Variants in EVC2 observed in about 807,000 individuals in gnomAD.
EVC2 encodes EvC ciliary complex subunit 2.
In EVC2, 148 loss-of-function variants were observed where a neutral mutation model predicts 149.3. That is an observed-to-expected ratio of 0.99 (90% confidence interval 0.87 to 1.14). The LOEUF (loss-of-function observed/expected upper bound fraction) is 1.14. Ranked by LOEUF, EVC2 falls within the 50% of genes most tolerant of loss-of-function variation. The pLI, the probability that EVC2 is intolerant of heterozygous loss-of-function variation, is 0.00. For synonymous variants in EVC2, 776 were observed against 649.9 expected, an observed-to-expected ratio of 1.19 and a Z score of -2.95; for missense variants, 1,854 against 1,627.3, an observed-to-expected ratio of 1.14 and a Z score of -2.40.
At chr4:5,644,777 C>G (rs4688944) in intron 9 of EVC2, among the ~76,000 whole-genome samples, 104,352 of 152,100 alleles carry the variant, frequency 0.69, 36,429 homozygotes, top group African/African-American at 0.82. Context: ...GAGAACATGT[C>G]ATATTTGTCT....
Position 5,657,477 on chromosome 4 carries a change from C to G in EVC2, c.1145+5630G>C, listed in dbSNP as rs965145847. Reference sequence around the variant, plus strand: ...GGAAGCTGGGTAGCCTGAAGAGCCACATCACATCTGGAAACATGTTGTGTT... The same window carrying G: ...GGAAGCTGGGTAGCCTGAAGAGCCAGATCACATCTGGAAACATGTTGTGTT... On this transcript the variant is annotated intron_variant, in intron 9 of 21. Coordinates refer to ENST00000344408, the MANE Select transcript of EVC2 (RefSeq NM_147127.5). This position sits in a 1 kb window ranked among gnomAD's most constrained non-coding sequence, Gnocchi z 4.7. Among the ~76,000 whole-genome samples the G allele has an allele frequency of 2.0e-5, 3 of 152,072 alleles. No individual in the cohort carries two copies. The highest frequency in any genetic ancestry group is 2.9e-5 in the Non-Finnish European group (2 of 68,022).
At chr4:5,678,959 A>C (rs80212089) in intron 7 of EVC2, among the ~76,000 whole-genome samples, 10,958 of 152,040 alleles carry the variant, frequency 0.072, 454 homozygotes, top group East Asian at 0.19. Context: ...TGAATCTGGG[A>C]GGCAGAGGTT....
chr4:5,583,100 T>C lies in EVC2; in HGVS notation c.3057+1523A>G, dbSNP rs1045538485. On this transcript the variant is annotated intron_variant, in intron 17 of 21. Coordinates refer to ENST00000344408, the MANE Select transcript of EVC2 (RefSeq NM_147127.5). ...CAGACTAATATAAAGACATATTCTC[T>C]ATATACTAAAATGATCACATGAGTC... Among the ~76,000 whole-genome samples, 6 of 144,004 alleles carry C rather than the reference T, an allele frequency of 4.2e-5. No individual in the cohort carries two copies. In the South Asian group the frequency reaches 1.3e-3, roughly 31 times the overall value. The allele number at this position is 144,004 out of a possible 152,430, so 94.5% of individuals were successfully genotyped here. A position where few individuals can be genotyped will look rare whatever the true frequency, so the allele number is the denominator to read the frequency against.
rs573182812 is a variant in EVC2, at chr4:5,613,869, C to G, written c.2829+1553G>C. Reference sequence around the variant, plus strand: ...CTGGATCCCTTAAGACATCAACAACCTGGACACACCTGATGGGAGACACTG... The same window carrying G: ...CTGGATCCCTTAAGACATCAACAACGTGGACACACCTGATGGGAGACACTG... On this transcript the variant is annotated intron_variant, in intron 16 of 21. Transcript: ENST00000344408. This position sits in a 1 kb window ranked among gnomAD's most constrained non-coding sequence, Gnocchi z 4.6. Among the ~76,000 whole-genome samples the G allele has an allele frequency of 7.2e-5, 11 of 152,142 alleles. No individual in the cohort carries two copies. Among genetic ancestry groups the G allele is most frequent in the Non-Finnish European group, 1.3e-4 (9 of 68,028 alleles).
In EVC2 at chr4:5,614,559, G is replaced by A. The variant is rs979091877; in HGVS notation, c.2829+863C>T. Among the ~76,000 whole-genome samples, 10 of 152,188 alleles carry A rather than the reference G, an allele frequency of 6.6e-5. No individual in the cohort carries two copies. Among genetic ancestry groups the A allele is most frequent in the African/African-American group, 1.9e-4 (8 of 41,444 alleles). ...ATCCAAGAGCTGAGGGAACACCTCA[G>A]GACAGCAAGGACACAAGTTATTTAT... is the stretch of plus-strand genomic sequence containing the variant. On this transcript the variant is annotated intron_variant, in intron 16 of 21. Coordinates refer to ENST00000344408, the MANE Select transcript of EVC2 (RefSeq NM_147127.5). The surrounding 1 kb of genome is among the most constrained non-coding windows in gnomAD (Gnocchi z 4.7).
intron 21 of EVC2, among the ~76,000 whole-genome samples, chr4:5,551,192 G>T (rs1264540935): frequency 6.6e-6 from 1 of 152,150 alleles, no homozygotes. Context: ...CAGAATGGTA[G>T]ATCCACTGAC....
chr4:5,578,079 G>T (rs1178075426), intron 17 of EVC2, among the ~76,000 whole-genome samples: 1 of 152,188 alleles, frequency 6.6e-6, no homozygotes, highest in Non-Finnish European at 1.5e-5. Flanking sequence ...TCTGCTGATG[G>T]TGTCCCCAAA....
chr4:5,570,920 C>T (rs1722604382), intron 19 of EVC2, among the ~76,000 whole-genome samples: 1 of 152,012 alleles, frequency 6.6e-6, no homozygotes, highest in South Asian at 2.1e-4. Flanking sequence ...TGTATGTTCT[C>T]ACTTATGAGG....
intron 9 of EVC2, among the ~76,000 whole-genome samples, chr4:5,659,829 T>C (rs1048949735): frequency 2.0e-5 from 3 of 152,228 alleles, no homozygotes; most frequent in Non-Finnish European, 4.4e-5. Context: ...AATACTTTCC[T>C]CTTTTAAAGT....
At chr4:5,573,862 G>C (rs965155442) in intron 19 of EVC2, among the ~76,000 whole-genome samples, 1 of 152,186 alleles carries the variant, frequency 6.6e-6, no homozygotes, top group Non-Finnish European at 1.5e-5. Flanking sequence ...CAAGGCCCAC[G>C]GGTCAGCTCT....
At position 5,574,676 on chromosome 4, in the gene EVC2, C is replaced by T. The variant is rs747744305; in HGVS notation, c.3360+9G>A. 5 of 1,613,882 alleles carry T rather than the reference C, an allele frequency of 3.1e-6. No individual in the cohort carries two copies. In the African/African-American group the frequency reaches 5.3e-5, roughly 17 times the overall value. The stretch of plus-strand genomic sequence containing the variant: ...GGGGTGGCCTCAGACCCTGCCAGTA[C>T]CTTCTCACCTGGCTGCACAGGGTTG... On this transcript the variant is annotated intron_variant, in intron 19 of 21. Coordinates refer to ENST00000344408, the MANE Select transcript of EVC2 (RefSeq NM_147127.5).
At chr4:5,562,322 C>T (rs1262297866), downstream of EVC2, 1 of 488,220 alleles carries the variant, frequency 2.0e-6, no homozygotes, top group Non-Finnish European at 2.7e-6. The surrounding 1 kb of genome is among the most constrained non-coding windows in gnomAD (Gnocchi z 4.3). Flanking sequence ...GTTTTGGCAA[C>T]TGGAGCGATA....
chr4:5,662,575 TTTATA>T (rs1352298286), intron 9 of EVC2, among the ~76,000 whole-genome samples: 1 of 143,442 alleles, frequency 7.0e-6, no homozygotes, highest in Admixed American at 7.1e-5. Flanking sequence ...ATAATATATA[TTTATA>T]TTAATCATAT....
At chr4:5,564,767 G>A (rs1327526476) in intron 21 of EVC2, among the ~76,000 whole-genome samples, 1 of 152,160 alleles carries the variant, frequency 6.6e-6, no homozygotes, top group Non-Finnish European at 1.5e-5. Context: ...CAAGGAAAAA[G>A]GCATTGGGGT....
intron 16 of EVC2, among the ~76,000 whole-genome samples, chr4:5,596,180 G>C (rs1241488885): frequency 6.6e-6 from 1 of 152,054 alleles, no homozygotes; most frequent in African/African-American, 2.4e-5. Context: ...AGTTAACAAG[G>C]ATACCCAGGA....
At chr4:5,578,672 G>T (rs1265109315) in intron 17 of EVC2, among the ~76,000 whole-genome samples, 2 of 151,720 alleles carry the variant, frequency 1.3e-5, no homozygotes, top group East Asian at 3.9e-4. Context: ...GAGGGAAAAG[G>T]GAAGGAGGGG....
the EVC2 span, among the ~76,000 whole-genome samples, chr4:5,534,104 T>C: frequency 6.6e-6 from 1 of 151,388 alleles, no homozygotes. Context: ...TTTACATTTT[T>C]AAAAAAGATC....
At chr4:5,541,767 T>G (rs1400824508), downstream of EVC2, among the ~76,000 whole-genome samples, 2 of 152,106 alleles carry the variant, frequency 1.3e-5, no homozygotes, top group Non-Finnish European at 2.9e-5. Context: ...AATAGATGAT[T>G]AGGAATTCAC....
At position 5,637,825 on chromosome 4, in the gene EVC2, G is replaced by T. The variant is rs1660639938; in HGVS notation, c.1470+2689C>A. The stretch of plus-strand genomic sequence containing the variant: ...CTTCTCTCTTTTTTTTTTTTTTCAG[G>T]GCTTTTTCTTTTTCAGCTTTGGTTC... On this transcript the variant is annotated intron_variant, in intron 10 of 21. Coordinates refer to ENST00000344408, the MANE Select transcript of EVC2 (RefSeq NM_147127.5). The surrounding 1 kb of genome is among the most constrained non-coding windows in gnomAD (Gnocchi z 4.4). Among the ~76,000 whole-genome samples, 1 of 150,628 alleles carries T rather than the reference G, an allele frequency of 6.6e-6. No individual in the cohort carries two copies. Among genetic ancestry groups the T allele is most frequent in the South Asian group, 2.1e-4 (1 of 4,768 alleles).
Sources: gnomAD v4.1 joint callset for allele counts (sites outside exome capture counted in the v4.1 genomes callset) on GRCh38, gnomAD v4.1.1 for gene constraint, Gnocchi (gnomAD v3.1) non-coding constraint, MANE v1.5 for transcripts, NCBI Gene and HGNC (gene_info 2026-07-23, HGNC 2026-07-21) for gene names.